Variants in MALRD1 observed in about 807,000 individuals in gnomAD.
MALRD1 encodes the protein MAM and LDL receptor class A domain containing 1.
A neutral mutation model predicts 242.1 loss-of-function variants in MALRD1; 247 were observed. The ratio of observed to expected loss-of-function variants is 1.02; its 90% CI spans 0.92 to 1.13. The LOEUF (loss-of-function observed/expected upper bound fraction) is 1.13. Among genes scored for constraint, MALRD1 ranks in the 50% most tolerant of loss-of-function variants. The probability of loss-of-function intolerance (pLI) is 0.00; values close to 1 mark genes in which losing one functional copy is unlikely to be tolerated. For missense variants in MALRD1, 2,989 were observed against 2,533.1 expected, an observed-to-expected ratio of 1.18 and a Z score of -3.86; for synonymous variants, 995 against 866.6, an observed-to-expected ratio of 1.15 and a Z score of -2.60.
At chr10:19,177,857 T>C (rs1332297739) in intron 14 of MALRD1, among the ~76,000 whole-genome samples, 1 of 152,006 alleles carries the variant, frequency 6.6e-6, no homozygotes, top group Admixed American at 6.6e-5. Flanking sequence ...TCTTCCCCCC[T>C]GGGAACAGGA....
chr10:19,109,395 C>T (rs1321496190), intron 5 of MALRD1, among the ~76,000 whole-genome samples: 1 of 152,156 alleles, frequency 6.6e-6, no homozygotes, highest in African/African-American at 2.4e-5. Flanking sequence ...GACTGTTTCA[C>T]ACACAAGGAT....
chr10:19,192,239 AAG>A (rs1447169168), intron 14 of MALRD1, among the ~76,000 whole-genome samples: 1 of 152,166 alleles, frequency 6.6e-6, no homozygotes, highest in African/African-American at 2.4e-5. Context: ...GCGAGATGAA[AAG>A]AGTTTTGGAC....
intron 28 of MALRD1, among the ~76,000 whole-genome samples, chr10:19,427,171 C>T (rs73595808): frequency 0.12 from 18,372 of 152,062 alleles, 2,133 homozygotes; most frequent in African/African-American, 0.31. Context: ...TTTTTTCTTT[C>T]TATATGGCAT....
intron 31 of MALRD1, among the ~76,000 whole-genome samples, chr10:19,518,561 A>G (rs1833739669): frequency 6.6e-6 from 1 of 152,196 alleles, no homozygotes; most frequent in Non-Finnish European, 1.5e-5. Context: ...CTATAATGAC[A>G]TACGTTGCCT....
chr10:19,489,835 A>G (rs925573208), intron 29 of MALRD1, among the ~76,000 whole-genome samples: 3 of 151,680 alleles, frequency 2.0e-5, no homozygotes, highest in Admixed American at 6.6e-5. Context: ...AAAGAAAACT[A>G]CTCCTTGATC....
intron 24 of MALRD1, among the ~76,000 whole-genome samples, chr10:19,344,600 T>G (rs1301573512): frequency 6.6e-6 from 1 of 152,040 alleles, no homozygotes; most frequent in African/African-American, 2.4e-5. Flanking sequence ...TAATTCATTC[T>G]TCTTATACAA....
At chr10:19,719,219 C>CATATATATATATATATAT (rs1290415118) in intron 38 of MALRD1, among the ~76,000 whole-genome samples, 1 of 30,304 alleles carries the variant, frequency 3.3e-5, no homozygotes, top group African/African-American at 7.3e-5. Flanking sequence ...TATACACATA[C>CATATATATATATATATAT]ATACATATAT....
intron 28 of MALRD1, among the ~76,000 whole-genome samples, chr10:19,432,182 A>G (rs1834159864): frequency 6.6e-6 from 1 of 152,158 alleles, no homozygotes; most frequent in African/African-American, 2.4e-5. Flanking sequence ...TGTTAGAGCA[A>G]TGAGCAACAT....
At chr10:19,484,699 A>G (rs557416888) in intron 29 of MALRD1, among the ~76,000 whole-genome samples, 1 of 152,360 alleles carries the variant, frequency 6.6e-6, no homozygotes, top group East Asian at 1.9e-4. Context: ...TATTGTTAAA[A>G]GGGAACATTT....
chr10:19,295,140 A>T (rs183966410), intron 21 of MALRD1, among the ~76,000 whole-genome samples: 16 of 152,096 alleles, frequency 1.1e-4, no homozygotes, highest in East Asian at 1.9e-4. Context: ...GCTTTGCCAC[A>T]TGTCACATCA....
intron 21 of MALRD1, among the ~76,000 whole-genome samples, chr10:19,293,320 T>C (rs1588866590): frequency 6.6e-6 from 1 of 152,210 alleles, no homozygotes; most frequent in African/African-American, 2.4e-5. Flanking sequence ...AGTATGTAGT[T>C]ATTTTCTTTT....
intron 2 of MALRD1, among the ~76,000 whole-genome samples, chr10:19,085,797 A>T (rs1835650214): frequency 1.3e-5 from 2 of 151,992 alleles, no homozygotes; most frequent in African/African-American, 4.8e-5. Context: ...ATATATATGA[A>T]TAATTTAGGT....
rs1836977213 is a variant in MALRD1 at position 19,210,029 on chromosome 10, T to C, written c.2991+349T>C. Among the ~76,000 whole-genome samples, 4 of 152,120 alleles carry C rather than the reference T, an allele frequency of 2.6e-5. No individual in the cohort carries two copies. In the South Asian group the frequency reaches 8.3e-4, roughly 31 times the overall value. ...TTTGCAAAGAGCACAGACACTGAAATCTGTGATTTTGCTTATTTCATTTTA... is the reference window on the plus strand; with the variant it reads ...TTTGCAAAGAGCACAGACACTGAAACCTGTGATTTTGCTTATTTCATTTTA... On this transcript the variant is annotated intron_variant, in intron 18 of 39. Coordinates refer to ENST00000454679, the MANE Select transcript of MALRD1 (RefSeq NM_001142308.3).
At chr10:19,204,222 G>A in intron 15 of MALRD1, 86 bp from the exon 16 acceptor site, 1 of 819,668 alleles carries the variant, frequency 1.2e-6, no homozygotes, top group Non-Finnish European at 1.9e-6. Flanking sequence ...CAATGATCTT[G>A]CTCAGTGTAG....
intron 19 of MALRD1, among the ~76,000 whole-genome samples, chr10:19,275,720 C>G (rs536537738): frequency 1.3e-5 from 2 of 151,960 alleles, no homozygotes; most frequent in African/African-American, 4.8e-5. Context: ...ATCAGTAAAT[C>G]CTAGGTATTT....
chr10:19,626,767 G>A (rs190924302), intron 36 of MALRD1, among the ~76,000 whole-genome samples: 5 of 152,000 alleles, frequency 3.3e-5, no homozygotes, highest in Admixed American at 2.0e-4. Context: ...TCTAGAGTTA[G>A]TGATTTTCAA....
intron 29 of MALRD1, among the ~76,000 whole-genome samples, chr10:19,490,254 G>T (rs1048729706): frequency 2.6e-5 from 4 of 151,758 alleles, no homozygotes; most frequent in Admixed American, 2.6e-4. Flanking sequence ...TAAAATGTTT[G>T]ATTTTTCTAT....
At chr10:19,444,554 C>G (rs1589084578) in intron 28 of MALRD1, among the ~76,000 whole-genome samples, 1 of 152,274 alleles carries the variant, frequency 6.6e-6, no homozygotes, top group Non-Finnish European at 1.5e-5. Context: ...TTTTATTTCT[C>G]TTTCACTTAT....
At chr10:19,442,445 G>A (rs1415116351) in intron 28 of MALRD1, among the ~76,000 whole-genome samples, 1 of 152,140 alleles carries the variant, frequency 6.6e-6, no homozygotes, top group African/African-American at 2.4e-5. Flanking sequence ...GTATGATATT[G>A]GCTGTGGGTT....
Sources: gnomAD v4.1 joint callset for allele counts (sites outside exome capture counted in the v4.1 genomes callset) on GRCh38, gnomAD v4.1.1 for gene constraint, MANE v1.5 for transcripts, NCBI Gene and HGNC (gene_info 2026-07-23, HGNC 2026-07-21) for gene names.